NOMO1: variants seen among roughly 807,000 people sequenced by gnomAD.
NOMO1 encodes the protein nodal modulator 3.
Under a neutral mutation model 133.8 loss-of-function variants are expected in NOMO1, and 40 were observed. That is an observed-to-expected ratio of 0.30 (90% confidence interval 0.23 to 0.39). The LOEUF (loss-of-function observed/expected upper bound fraction) is 0.39, where lower values mean the gene tolerates loss of function less well. Among genes scored for constraint, NOMO1 ranks in the 10% least tolerant of loss-of-function variants. The pLI, the probability that NOMO1 is intolerant of heterozygous loss-of-function variation, is 1.00. For missense variants in NOMO1, 462 were observed against 1,419.9 expected (o/e 0.33, Z 10.84); for synonymous variants, 236 against 570.5 (o/e 0.41, Z 8.36).
intron 29 of NOMO1, among the ~76,000 whole-genome samples, chr16:14,891,832 A>G (rs1328131799): frequency 6.6e-6 from 1 of 152,102 alleles, no homozygotes; most frequent in African/African-American, 2.4e-5. Context: ...GCTTCTGTGA[A>G]GAGTGATTCA....
At chr16:14,875,671 A>T (rs1964150160) in intron 20 of NOMO1, among the ~76,000 whole-genome samples, 1 of 152,078 alleles carries the variant, frequency 6.6e-6, no homozygotes, top group South Asian at 2.1e-4. Flanking sequence ...AGATAAATAA[A>T]AGTAACTTTT....
At chr16:14,877,774 G>T (rs1427938597) in intron 22 of NOMO1, among the ~76,000 whole-genome samples, 2 of 145,764 alleles carry the variant, frequency 1.4e-5, no homozygotes, top group South Asian at 2.3e-4. Flanking sequence ...GTAAGTGTGG[G>T]TTTTCCCAAG....
chr16:14,837,391 G>A (rs890118192), intron 1 of NOMO1, among the ~76,000 whole-genome samples: 1 of 152,122 alleles, frequency 6.6e-6, no homozygotes, highest in Non-Finnish European at 1.5e-5. Context: ...CACATGAAAA[G>A]GAGTGGCTCT....
chr16:14,887,468 T>C (rs1964343181), intron 28 of NOMO1, among the ~76,000 whole-genome samples: 1 of 151,876 alleles, frequency 6.6e-6, no homozygotes, highest in African/African-American at 2.4e-5. Context: ...TAATTCTTTT[T>C]TTTTTTTATT....
intron 16 of NOMO1, among the ~76,000 whole-genome samples, chr16:14,871,142 G>A (rs1431024343): frequency 2.6e-5 from 4 of 151,752 alleles, no homozygotes; most frequent in Non-Finnish European, 2.9e-5. Flanking sequence ...ACCCCTAGCC[G>A]GAGTGTCCTC....
In NOMO1 at chr16:14,857,213, C is replaced by G. The variant is rs1567540231; in HGVS notation, c.964-4C>G. On this transcript the variant is annotated splice_polypyrimidine_tract_variant and splice_region_variant and intron_variant, in intron 9 of 30. Transcript: ENST00000287667. Reference sequence around the variant, plus strand: ...GCACCTTCTTCTTGTTCTTTGTTTTCTAGCCCGTGTTCCACGTCATGGGAT... The same window carrying G: ...GCACCTTCTTCTTGTTCTTTGTTTTGTAGCCCGTGTTCCACGTCATGGGAT... 1.9e-6 allele frequency: 3 copies of G among 1,580,378 alleles called. No individual in the cohort carries two copies. Among genetic ancestry groups the G allele is most frequent in the East Asian group, 2.2e-5 (1 of 44,562 alleles).
At chr16:14,869,808 G>A (rs1964056490) in intron 16 of NOMO1, among the ~76,000 whole-genome samples, 1 of 150,368 alleles carries the variant, frequency 6.7e-6, no homozygotes, top group African/African-American at 2.4e-5. Context: ...AACCTTTTAA[G>A]AAACTGTCAA....
chr16:14,880,781 T>C (rs1027027577), intron 24 of NOMO1, among the ~76,000 whole-genome samples: 4 of 151,930 alleles, frequency 2.6e-5, no homozygotes, highest in Admixed American at 6.6e-5. Flanking sequence ...AAGAGTATAG[T>C]GTAAAATTTC....
In NOMO1 at chr16:14,895,038, T is replaced by G. The variant is rs1964465806; in HGVS notation, c.3485T>G (p.Ile1162Ser). 1 of 1,609,764 alleles carries G rather than the reference T, an allele frequency of 6.2e-7. No individual in the cohort carries two copies. The highest frequency in any genetic ancestry group is 1.3e-5 in the African/African-American group (1 of 74,296). Residue 1162 changes from isoleucine to serine, a missense_variant, in exon 30 of 31, where the codon ATT becomes AGT. Transcript: ENST00000287667. Reference sequence around the variant, plus strand: ...CAGGACATCGCACAAGGATCCTACATTGCCCTGCCATTGACGCTGCTGGTT... The same window carrying G: ...CAGGACATCGCACAAGGATCCTACAGTGCCCTGCCATTGACGCTGCTGGTT... Reference protein sequence around the residue: ...PEQDIAQGSYIALPLTLLVLL... With the variant: ...PEQDIAQGSYSALPLTLLVLL...
intron 1 of NOMO1, among the ~76,000 whole-genome samples, chr16:14,836,767 A>G (rs1300982978): frequency 7.1e-6 from 1 of 141,242 alleles, no homozygotes; most frequent in South Asian, 2.2e-4. Flanking sequence ...CTGCAGTGGC[A>G]CAATCTCGGC....
intron 4 of NOMO1, among the ~76,000 whole-genome samples, chr16:14,846,339 G>A (rs1254125949): frequency 2.7e-5 from 4 of 150,610 alleles, no homozygotes; most frequent in Non-Finnish European, 5.9e-5. Context: ...ACCAATAATG[G>A]TGAATCTATA....
At chr16:14,854,324 TG>T (rs1188917935) in intron 9 of NOMO1, among the ~76,000 whole-genome samples, 4 of 135,422 alleles carry the variant, frequency 3.0e-5, no homozygotes, top group Non-Finnish European at 6.3e-5. Flanking sequence ...CTTGTCCCTG[TG>T]GACCTCATTT....
chr16:14,876,412 G>C lies in NOMO1; in HGVS notation c.2410G>C (p.Glu804Gln), dbSNP rs1417131348. ...EIHGKAGLFLEGQIHPELEGV... is the reference protein window; with the variant it reads ...EIHGKAGLFLQGQIHPELEGV... ...CCATGGGAAGGCAGGCCTGTTTTTA[G>C]AAGGCCAGATCCACCCCGAGTTGGA... The change falls in exon 21 of 31, where the codon GAA becomes CAA. Residue 804 changes from glutamate (E) to glutamine (Q), a missense_variant. Glu to Gln is a conservative substitution (Grantham distance 29). Transcript: ENST00000287667. 1 of 1,611,326 alleles carries C rather than the reference G, an allele frequency of 6.2e-7. No homozygotes were observed. Among genetic ancestry groups the C allele is most frequent in the Non-Finnish European group, 8.5e-7 (1 of 1,179,754 alleles).
intron 29 of NOMO1, among the ~76,000 whole-genome samples, chr16:14,889,659 G>A (rs1166197623): frequency 6.6e-6 from 1 of 151,642 alleles, no homozygotes; most frequent in African/African-American, 2.4e-5. Context: ...CCTGGCATTG[G>A]GTCACTTTCT....
intron 28 of NOMO1, chr16:14,888,532 G>T (rs1477753288): frequency 6.0e-6 from 1 of 166,888 alleles, no homozygotes; most frequent in Non-Finnish European, 1.3e-5. Flanking sequence ...TGTGCATGGT[G>T]CCTGGCAGCT....
At chr16:14,846,268 C>T (rs1298423570) in intron 4 of NOMO1, among the ~76,000 whole-genome samples, 2 of 150,504 alleles carry the variant, frequency 1.3e-5, no homozygotes, top group African/African-American at 5.0e-5. Flanking sequence ...CTCAAGTGGT[C>T]TGCCTGCCTC....
intron 11 of NOMO1, 101 bp from the exon 12 acceptor site, chr16:14,862,912 G>C (rs1597101850): frequency 6.5e-7 from 1 of 1,535,428 alleles, no homozygotes; most frequent in Admixed American, 1.8e-5. Context: ...ACTATTCTCA[G>C]GAACAAGGGC....
chr16:14,873,796 G>A (rs1161002703), intron 18 of NOMO1, among the ~76,000 whole-genome samples: 5 of 151,728 alleles, frequency 3.3e-5, no homozygotes, highest in East Asian at 1.9e-4. Context: ...GATTCCCCCT[G>A]GGGATCTTGT....
intron 11 of NOMO1, among the ~76,000 whole-genome samples, chr16:14,861,464 T>C (rs2151897886): frequency 6.7e-6 from 1 of 148,608 alleles, no homozygotes; most frequent in Admixed American, 6.7e-5. Flanking sequence ...TATTTACAAC[T>C]TAAGGAGGCA....
Sources: gnomAD v4.1 joint callset for allele counts (sites outside exome capture counted in the v4.1 genomes callset) on GRCh38, gnomAD v4.1.1 for gene constraint, MANE v1.5 for transcripts, NCBI Gene and HGNC (gene_info 2026-07-23, HGNC 2026-07-21) for gene names.